C11orf65: variants seen among roughly 807,000 people sequenced by gnomAD.
C11orf65 encodes protein MFI.
C11orf65 carries 38 observed loss-of-function variants against 35.3 expected under a neutral mutation model. The ratio of observed to expected loss-of-function variants is 1.08; its 90% CI spans 0.83 to 1.41. The LOEUF (loss-of-function observed/expected upper bound fraction) is 1.41. Among genes scored for constraint, C11orf65 ranks in the 40% most tolerant of loss-of-function variants. C11orf65 has a pLI of 0.00. For missense variants in C11orf65, 370 were observed against 367.1 expected (o/e 1.01, Z -0.06); for synonymous variants, 105 against 114.4 (o/e 0.92, Z 0.53).
chr11:108,354,755 A>C, intron 2 of C11orf65: 2 of 1,402,918 alleles, frequency 1.4e-6, no homozygotes, highest in Non-Finnish European at 2.0e-6. Context: ...AGATAAAGAT[A>C]CGTTGACAAC....
intron 3 of C11orf65, among the ~76,000 whole-genome samples, chr11:108,407,590 G>T (rs1194685930): frequency 6.7e-6 from 1 of 150,312 alleles, no homozygotes; most frequent in African/African-American, 2.4e-5. Flanking sequence ...AAAGTGCTAA[G>T]ATTACAGGCA....
intron 2 of C11orf65, among the ~76,000 whole-genome samples, chr11:108,445,541 A>G (rs1422732216): frequency 6.6e-6 from 1 of 152,186 alleles, no homozygotes; most frequent in Non-Finnish European, 1.5e-5. Flanking sequence ...GCAAACTCCA[A>G]CGGACCTGTA....
chr11:108,462,240 T>C (rs568563974), intron 1 of C11orf65, among the ~76,000 whole-genome samples: 38 of 152,186 alleles, frequency 2.5e-4, no homozygotes, highest in Non-Finnish European at 4.9e-4. Context: ...AGACAGGTTC[T>C]TGCTATGTTT....
intron 2 of C11orf65, chr11:108,345,927 T>G: frequency 6.2e-7 from 1 of 1,612,856 alleles, no homozygotes; most frequent in South Asian, 1.1e-5. Flanking sequence ...CTTGTACATA[T>G]AGTAGATTGA....
At chr11:108,314,047 G>A (rs917009991) in intron 6 of C11orf65, among the ~76,000 whole-genome samples, 2 of 151,986 alleles carry the variant, frequency 1.3e-5, no homozygotes, top group Non-Finnish European at 1.5e-5. Flanking sequence ...AAAAATCCAC[G>A]ACCTTTATTC....
At chr11:108,326,011 G>T (rs763159103) in intron 6 of C11orf65, 9 of 1,587,086 alleles carry the variant, frequency 5.7e-6, no homozygotes. Context: ...CATGGTAGTA[G>T]TATCAGTAGT....
downstream of C11orf65, among the ~76,000 whole-genome samples, chr11:108,379,639 A>G (rs1233199079): frequency 6.6e-6 from 1 of 151,792 alleles, no homozygotes; most frequent in Non-Finnish European, 1.5e-5. Context: ...TAATAAAATA[A>G]AATTAAAAAA....
rs11212591 is a variant in C11orf65, at chr11:108,346,091, T to C, written c.227-10799A>G. 5.6e-3 allele frequency among the ~76,000 whole-genome samples: 855 copies of C among 152,312 alleles called. 29 individuals are homozygous for C. In the East Asian group the frequency reaches 0.1, roughly 18 times the overall value. On this transcript the variant is annotated intron_variant, in intron 2 of 3. Coordinates refer to the C11orf65 transcript ENST00000524755. ...CTTGTTCATCCTGATTCTTAGTGTC[T>C]ACCTTTTTATAACTTATGCAGAAGA...
intron 6 of C11orf65, among the ~76,000 whole-genome samples, chr11:108,311,559 A>G (rs764047705): frequency 6.6e-6 from 1 of 152,128 alleles, no homozygotes; most frequent in Non-Finnish European, 1.5e-5. Flanking sequence ...TCAGCTGGGC[A>G]TAGTGGCCTG....
downstream of C11orf65, chr11:108,331,178 G>T: frequency 8.8e-7 from 1 of 1,139,628 alleles, no homozygotes; most frequent in South Asian, 2.5e-5. Flanking sequence ...AGATTTTTTG[G>T]AATATAAACA....
chr11:108,412,583 A>G (rs999503455), intron 3 of C11orf65, among the ~76,000 whole-genome samples: 1 of 152,180 alleles, frequency 6.6e-6, no homozygotes. Context: ...AAAAAATTTT[A>G]AAATTAGCTG....
At chr11:108,432,216 G>A (rs1037051855) in intron 2 of C11orf65, among the ~76,000 whole-genome samples, 1 of 152,194 alleles carries the variant, frequency 6.6e-6, no homozygotes, top group Non-Finnish European at 1.5e-5. Context: ...GTATTTAGCA[G>A]CTGTGACTGT....
intron 2 of C11orf65, among the ~76,000 whole-genome samples, chr11:108,375,552 C>T (rs928744267): frequency 1.3e-5 from 2 of 151,966 alleles, no homozygotes; most frequent in African/African-American, 4.8e-5. Flanking sequence ...TAAAGACCAT[C>T]AAGACTAGGA....
chr11:108,451,151 G>A (rs970626810), intron 2 of C11orf65, among the ~76,000 whole-genome samples: 3 of 151,692 alleles, frequency 2.0e-5, no homozygotes, highest in African/African-American at 7.3e-5. Flanking sequence ...TTGGAAGTTC[G>A]GGCAGGGCAA....
chr11:108,327,476 A>G (rs4988110), downstream of C11orf65: 1 of 589,558 alleles, frequency 1.7e-6, no homozygotes, highest in Non-Finnish European at 3.0e-6. Context: ...CATTTCCTAC[A>G]TGGGATTATT....
chr11:108,402,824 A>T (rs1281127077), intron 6 of C11orf65, among the ~76,000 whole-genome samples: 5 of 152,252 alleles, frequency 3.3e-5, no homozygotes, highest in South Asian at 4.1e-4. Flanking sequence ...ATGTGAATGG[A>T]ATCATACAGT....
chr11:108,331,371 A>C, downstream of C11orf65: 1 of 1,551,128 alleles, frequency 6.4e-7, no homozygotes, highest in Non-Finnish European at 8.7e-7. Context: ...GTCTTAAAAT[A>C]ACTTACTTGC....
chr11:108,406,630 T>C (rs765473686), intron 5 of C11orf65, 133 bp downstream of exon 5: 4 of 581,948 alleles, frequency 6.9e-6, no homozygotes, highest in Non-Finnish European at 1.1e-5. Context: ...CCTGAGTAGC[T>C]AACTTAAGCA....
At chr11:108,389,606 G>A (rs1449928353) in intron 7 of C11orf65, among the ~76,000 whole-genome samples, 2 of 152,022 alleles carry the variant, frequency 1.3e-5, no homozygotes. Context: ...TGAAAGCTAG[G>A]TATATCCATC....
Sources: allele counts gnomAD v4.1 joint callset (sites outside exome capture counted in the v4.1 genomes callset), GRCh38; gene constraint gnomAD v4.1.1; transcripts MANE v1.5; gene names NCBI Gene and HGNC (gene_info 2026-07-23, HGNC 2026-07-21).